Variants in NRXN1 observed in about 807,000 individuals in gnomAD.
The protein encoded by NRXN1 is neurexin-1.
In NRXN1, 39 loss-of-function variants were observed where a neutral mutation model predicts 150.9. The ratio of observed to expected loss-of-function variants is 0.26; its 90% CI spans 0.20 to 0.34. The LOEUF is 0.34. Among genes scored for constraint, NRXN1 ranks in the 10% least tolerant of loss-of-function variants. NRXN1 has a pLI of 1.00. For synonymous variants in NRXN1, 924 were observed against 757.0 expected, an observed-to-expected ratio of 1.22 and a Z score of -3.62; for missense variants, 1,815 against 1,949.9, an observed-to-expected ratio of 0.93 and a Z score of 1.30.
At chr2:50,100,492 C>G (rs952917608) in intron 18 of NRXN1, among the ~76,000 whole-genome samples, 97 of 152,036 alleles carry the variant, frequency 6.4e-4, no homozygotes, top group African/African-American at 2.3e-3. Flanking sequence ...GGGTAATAAT[C>G]TTGATATCGG....
intron 12 of NRXN1, among the ~76,000 whole-genome samples, chr2:50,525,051 T>C (rs998259111): frequency 6.6e-5 from 10 of 152,166 alleles, no homozygotes; most frequent in Non-Finnish European, 1.0e-4. Flanking sequence ...CTACTAACAA[T>C]GCACTTGAGA....
chr2:50,359,341 A>G (rs1158579818), intron 17 of NRXN1, among the ~76,000 whole-genome samples: 1 of 151,908 alleles, frequency 6.6e-6, no homozygotes, highest in African/African-American at 2.4e-5. Context: ...AACCCAATGC[A>G]AGGAAGCTAA....
intron 21 of NRXN1, among the ~76,000 whole-genome samples, chr2:50,010,469 C>A (rs1039778944): frequency 1.3e-5 from 2 of 152,130 alleles, no homozygotes; most frequent in African/African-American, 4.8e-5. Flanking sequence ...AATCTGCAAC[C>A]AGATTCTGGT....
At chr2:49,992,240 A>G (rs2152521772) in intron 21 of NRXN1, among the ~76,000 whole-genome samples, 2 of 152,228 alleles carry the variant, frequency 1.3e-5, no homozygotes, top group South Asian at 4.1e-4. Context: ...CATCATTAAA[A>G]TAAAGAAAAA....
intron 21 of NRXN1, among the ~76,000 whole-genome samples, chr2:49,977,283 C>T (rs1366449330): frequency 1.4e-5 from 2 of 144,780 alleles, no homozygotes; most frequent in Non-Finnish European, 3.0e-5. Context: ...TCCATCCCAC[C>T]CCCCAGGGAA....
rs113507486 is a variant in NRXN1, at chr2:50,655,112, A to G, written c.833-31497T>C. Among the ~76,000 whole-genome samples, 566 of 152,056 alleles carry G rather than the reference A, an allele frequency of 3.7e-3. 3 individuals carry two copies. Among genetic ancestry groups the G allele is most frequent in the African/African-American group, 0.013 (541 of 41,540 alleles). Reference sequence around the variant, plus strand: ...TTATGTGGCCAATTTTAGAGATGCAATAAACTGAGTGTGATTAAATGGTAA... The same window carrying G: ...TTATGTGGCCAATTTTAGAGATGCAGTAAACTGAGTGTGATTAAATGGTAA... On this transcript the variant is annotated intron_variant, in intron 5 of 22. Transcript: ENST00000401669.
intron 17 of NRXN1, among the ~76,000 whole-genome samples, chr2:50,438,796 C>T (rs1490598364): frequency 6.6e-6 from 1 of 152,254 alleles, no homozygotes; most frequent in African/African-American, 2.4e-5. Context: ...ATGCTTTAAA[C>T]TTCTACTAAA....
At chr2:50,028,758 T>C (rs1180380089) in intron 21 of NRXN1, among the ~76,000 whole-genome samples, 2 of 152,258 alleles carry the variant, frequency 1.3e-5, no homozygotes, top group Non-Finnish European at 2.9e-5. Context: ...ATTTGTTTTT[T>C]CTCACTGTAT....
chr2:49,926,923 C>T (rs1016312941), intron 22 of NRXN1, among the ~76,000 whole-genome samples: 5 of 152,140 alleles, frequency 3.3e-5, no homozygotes, highest in Admixed American at 1.3e-4. Flanking sequence ...GCTTCTTGCA[C>T]CCTCTGTTGC....
At chr2:50,923,294 C>CA (rs112205397) in intron 3 of NRXN1, 15,370 of 182,278 alleles carry the variant, frequency 0.084, 747 homozygotes, top group South Asian at 0.11. Context: ...GAATTTACTA[C>CA]AAAAAAGGGT....
rs114804558 is a variant in NRXN1 at position 49,937,756 on chromosome 2, A to T, written c.4216+5948T>A. 4.9e-3 allele frequency among the ~76,000 whole-genome samples: 741 copies of T among 152,320 alleles called. 1 individual carries two copies. Among genetic ancestry groups the T allele is most frequent in the Non-Finnish European group, 7.4e-3 (502 of 68,036 alleles). ...GCTCAAAATCCTCCATTTTGACAGC[A>T]ATGTGTTGGCTATTACGGACTAATT... On this transcript the variant is annotated intron_variant, in intron 22 of 22. Transcript: ENST00000401669.
intron 17 of NRXN1, among the ~76,000 whole-genome samples, chr2:50,333,342 A>G (rs994844156): frequency 6.6e-6 from 1 of 152,172 alleles, no homozygotes; most frequent in Non-Finnish European, 1.5e-5. Context: ...AATCTTCCAT[A>G]TTTAATTTAC....
At chr2:50,870,533 G>A (rs1677623218) in intron 5 of NRXN1, among the ~76,000 whole-genome samples, 1 of 151,884 alleles carries the variant, frequency 6.6e-6, no homozygotes, top group African/African-American at 2.4e-5. Flanking sequence ...CTCTGCATTT[G>A]CAACTTACTA....
intron 5 of NRXN1, among the ~76,000 whole-genome samples, chr2:50,886,088 C>T (rs1680198872): frequency 6.6e-6 from 1 of 151,198 alleles, no homozygotes; most frequent in Admixed American, 6.6e-5. Flanking sequence ...ACTAGTGAAT[C>T]CATTTTTGTG....
chr2:50,151,747 G>C (rs1372143836), intron 18 of NRXN1, among the ~76,000 whole-genome samples: 1 of 151,690 alleles, frequency 6.6e-6, no homozygotes, highest in African/African-American at 2.4e-5. Context: ...AAGTTGGATT[G>C]TGGCAATGGT....
chr2:50,432,945 A>G (rs72829159), intron 17 of NRXN1, among the ~76,000 whole-genome samples: 112 of 152,284 alleles, frequency 7.4e-4, no homozygotes, highest in Non-Finnish European at 1.2e-3. Flanking sequence ...CCCCATCTCC[A>G]GTGGCTTGGT....
At chr2:50,645,915 T>C (rs1032083030) in intron 5 of NRXN1, among the ~76,000 whole-genome samples, 1 of 151,908 alleles carries the variant, frequency 6.6e-6, no homozygotes, top group African/African-American at 2.4e-5. Flanking sequence ...ATCATTCAAT[T>C]ACATTCGTTT....
chr2:50,610,163 G>A (rs1474703197), intron 8 of NRXN1, among the ~76,000 whole-genome samples: 3 of 151,978 alleles, frequency 2.0e-5, no homozygotes, highest in East Asian at 1.9e-4. Flanking sequence ...GAAATTAAGA[G>A]GAACTCCAAA....
intron 21 of NRXN1, among the ~76,000 whole-genome samples, chr2:50,001,186 G>T (rs1383984808): frequency 6.6e-6 from 1 of 152,266 alleles, no homozygotes; most frequent in East Asian, 1.9e-4. Flanking sequence ...TCTAATTTCA[G>T]ATTTCAGTGT....
Sources: gnomAD v4.1 joint callset for allele counts (sites outside exome capture counted in the v4.1 genomes callset) on GRCh38, gnomAD v4.1.1 for gene constraint, MANE v1.5 for transcripts, NCBI Gene and HGNC (gene_info 2026-07-23, HGNC 2026-07-21) for gene names.